The following FDFT1 variants were observed in gnomAD, a reference collection of about 807,000 sequenced individuals.
The protein encoded by FDFT1 is squalene synthase.
Under a neutral mutation model 46.8 loss-of-function variants are expected in FDFT1, and 68 were observed. The observed-to-expected ratio is 1.45, with a 90% CI of 1.19 to 1.78. FDFT1 has a LOEUF of 1.78. Ranked by LOEUF, FDFT1 falls within the 40% of genes most tolerant of loss-of-function variation. The probability of loss-of-function intolerance (pLI) is 0.00; values close to 1 mark genes in which losing one functional copy is unlikely to be tolerated. For synonymous variants in FDFT1, 351 were observed against 185.1 expected (o/e 1.90, Z -7.28); for missense variants, 928 against 524.4 (o/e 1.77, Z -7.52).
chr8:11,834,339 C>T (rs1044416863), intron 7 of FDFT1, among the ~76,000 whole-genome samples: 1 of 152,240 alleles, frequency 6.6e-6, no homozygotes, highest in African/African-American at 2.4e-5. Context: ...GAAGATCAAC[C>T]TGCTATTTTG....
chr8:11,838,551 A>C lies in FDFT1; in HGVS notation c.1196A>C (p.Gln399Pro). The change falls in exon 8 of 8, where the codon CAG (glutamine) becomes CCG (proline). Residue 399 changes from glutamine (Q) to proline (P), a missense_variant. By Grantham distance (76) the Gln-to-Pro change is moderately conservative. Coordinates refer to ENST00000220584, the MANE Select transcript of FDFT1 (RefSeq NM_004462.5). ...FVMLLAALSWQYLTTLSQVTE... is the reference protein window; with the variant it reads ...FVMLLAALSWPYLTTLSQVTE... Reference sequence around the variant, plus strand: ...ATGCTTTTGGCTGCCCTGAGCTGGCAGTACCTGACCACTCTCTCCCAGGTA... The same window carrying C: ...ATGCTTTTGGCTGCCCTGAGCTGGCCGTACCTGACCACTCTCTCCCAGGTA... 6.2e-7 allele frequency: 1 copy of C among 1,613,282 alleles called. No homozygotes were observed. Among genetic ancestry groups the C allele is most frequent in the South Asian group, 1.1e-5 (1 of 90,872 alleles).
intron 1 of FDFT1, chr8:11,803,317 T>C (rs1303159101): frequency 2.3e-6 from 3 of 1,299,066 alleles, no homozygotes; most frequent in African/African-American, 1.5e-5. Context: ...GAATGAACTA[T>C]GCAGATAACA....
At chr8:11,833,993 TA>T (rs1811211491) in intron 7 of FDFT1, among the ~76,000 whole-genome samples, 1 of 152,258 alleles carries the variant, frequency 6.6e-6, no homozygotes, top group African/African-American at 2.4e-5. Context: ...AGTAAAGTTT[TA>T]AATGAAAACA....
At chr8:11,798,460 G>A (rs1805785377), upstream of FDFT1, among the ~76,000 whole-genome samples, 1 of 151,586 alleles carries the variant, frequency 6.6e-6, no homozygotes, top group Non-Finnish European at 1.5e-5. Flanking sequence ...CTTAAACCAA[G>A]ATGGAGCAGA....
At chr8:11,801,064 C>T (rs1488450922), upstream of FDFT1, among the ~76,000 whole-genome samples, 1 of 152,072 alleles carries the variant, frequency 6.6e-6, no homozygotes, top group Admixed American at 6.6e-5. Context: ...TGAGAGAGGG[C>T]AAACAGGTGG....
rs757212330 is a variant in FDFT1 at position 11,821,997 on chromosome 8, C to T, written c.510+119C>T. On this transcript the variant is annotated intron_variant, in intron 4 of 7. Coordinates refer to ENST00000220584, the MANE Select transcript of FDFT1 (RefSeq NM_004462.5). ...TTTCAGCCCCTCTGGTTTTACAATT[C>T]ATCTGTTTAGGTTGAATGTCTCATC... 10 of 1,218,432 alleles carry T rather than the reference C, an allele frequency of 8.2e-6. No homozygotes were observed. The African/African-American group carries it at 9.1e-5, about 11-fold the overall frequency. The allele number at this position is 1,218,432 out of a possible 1,614,324, so 75.5% of individuals were successfully genotyped here. A position where few individuals can be genotyped will look rare whatever the true frequency, so the allele number is the denominator to read the frequency against.
chr8:11,829,169 G>A (rs996408376), intron 5 of FDFT1, among the ~76,000 whole-genome samples: 3 of 152,098 alleles, frequency 2.0e-5, no homozygotes, highest in African/African-American at 7.2e-5. Context: ...CTTTTTAACT[G>A]TATGTATATA....
chr8:11,838,545 G>C lies in FDFT1; in HGVS notation c.1190G>C (p.Ser397Thr), dbSNP rs1811877107. The C allele has an allele frequency of 1.1e-5, 18 of 1,612,424 alleles. No homozygotes were observed. Among genetic ancestry groups the C allele is most frequent in the Non-Finnish European group, 1.5e-5 (18 of 1,179,338 alleles). The change falls in exon 8 of 8, where the codon AGC (serine) becomes ACC (threonine). Residue 397 changes from serine to threonine, a missense_variant. By Grantham distance (58) the Ser-to-Thr change is moderately conservative. Transcript: ENST00000220584. ...LSFVMLLAAL[S>T]WQYLTTLSQV... ...TTTGTCATGCTTTTGGCTGCCCTGA[G>C]CTGGCAGTACCTGACCACTCTCTCC...
intron 1 of FDFT1, among the ~76,000 whole-genome samples, chr8:11,807,078 T>G (rs1308566510): frequency 1.5e-5 from 2 of 134,118 alleles, no homozygotes; most frequent in African/African-American, 5.0e-5. Context: ...CAGGGTTCAC[T>G]GTTACCATTC....
chr8:11,838,818 T>G lies in FDFT1; in HGVS notation c.*209T>G. ...GCCTCATCCCAGCAACCTGTCCTTG[T>G]GGGTGATGATCACTGTGCTGCTTGT... On this transcript the variant is annotated 3_prime_UTR_variant, in exon 8 of 8. Coordinates refer to ENST00000220584, the MANE Select transcript of FDFT1 (RefSeq NM_004462.5). 1.7e-6 allele frequency: 1 copy of G among 573,798 alleles called. No individual in the cohort carries two copies. The highest frequency in any genetic ancestry group is 2.0e-5 in the South Asian group (1 of 51,094). The allele number at this position is 573,798 out of a possible 1,614,324, so 35.5% of individuals were successfully genotyped here.
intron 4 of FDFT1, among the ~76,000 whole-genome samples, chr8:11,824,799 G>A (rs1432722969): frequency 2.6e-5 from 4 of 152,070 alleles, no homozygotes; most frequent in African/African-American, 4.8e-5. Context: ...GCAGTGGCGC[G>A]ATCTCGGCTC....
intron 1 of FDFT1, among the ~76,000 whole-genome samples, chr8:11,804,289 C>G (rs1806522388): frequency 1.3e-5 from 2 of 152,184 alleles, no homozygotes; most frequent in Non-Finnish European, 1.5e-5. Context: ...TGTCTCTTTC[C>G]TTTCTACAGA....
At chr8:11,816,776 C>T (rs987995315) in intron 3 of FDFT1, among the ~76,000 whole-genome samples, 30 of 152,146 alleles carry the variant, frequency 2.0e-4, no homozygotes, top group Admixed American at 1.4e-3. Context: ...AGGGCTGAGA[C>T]GATGGGGTTT....
At chr8:11,823,582 T>C (rs1164344829) in intron 4 of FDFT1, among the ~76,000 whole-genome samples, 2 of 145,702 alleles carry the variant, frequency 1.4e-5, no homozygotes, top group South Asian at 2.2e-4. Flanking sequence ...CAGAGACGAC[T>C]TTTTTTTTTT....
At chr8:11,809,273 A>G in intron 2 of FDFT1, 1 of 1,104,940 alleles carries the variant, frequency 9.1e-7, no homozygotes, top group Non-Finnish European at 1.1e-6. Context: ...ACACCCATGA[A>G]CTTAGACCAG....
At chr8:11,803,016 G>C (rs974047826) in intron 1 of FDFT1, 85 bp downstream of exon 1, 1 of 1,514,010 alleles carries the variant, frequency 6.6e-7, no homozygotes, top group African/African-American at 1.4e-5. Flanking sequence ...GCCCGGATCT[G>C]GGGCAAGGGG....
intron 1 of FDFT1, chr8:11,808,194 C>A (rs1807121802): frequency 9.8e-7 from 1 of 1,016,482 alleles, no homozygotes; most frequent in Non-Finnish European, 1.2e-6. Flanking sequence ...AAAGTCCAGG[C>A]CTTATTGGGA....
chr8:11,798,893 G>C (rs923315385), upstream of FDFT1, among the ~76,000 whole-genome samples: 4 of 152,188 alleles, frequency 2.6e-5, no homozygotes, highest in Non-Finnish European at 5.9e-5. Flanking sequence ...AAAGGGAGAA[G>C]AGCCTTTATT....
intron 4 of FDFT1, among the ~76,000 whole-genome samples, chr8:11,825,351 G>A (rs1809814384): frequency 6.6e-6 from 1 of 151,938 alleles, no homozygotes; most frequent in Admixed American, 6.6e-5. Context: ...AGACCAGCGT[G>A]GCCAACATGG....
Sources: allele counts gnomAD v4.1 joint callset (sites outside exome capture counted in the v4.1 genomes callset), GRCh38; gene constraint gnomAD v4.1.1; transcripts MANE v1.5; gene names NCBI Gene and HGNC (gene_info 2026-07-23, HGNC 2026-07-21).